Variants in GSN observed in about 807,000 individuals in gnomAD.
The protein encoded by GSN is gelsolin.
In GSN, 56 loss-of-function variants were observed where a neutral mutation model predicts 85.7. The ratio of observed to expected loss-of-function variants is 0.65; its 90% confidence interval spans 0.53 to 0.82. GSN has a LOEUF of 0.82. Among genes scored for constraint, GSN ranks in the 40% least tolerant of loss-of-function variants. The pLI is 0.00. For synonymous variants in GSN, 373 were observed against 399.1 expected (o/e 0.93, Z 0.78); for missense variants, 857 against 979.8 (o/e 0.87, Z 1.67).
intron 11 of GSN, among the ~76,000 whole-genome samples, chr9:121,322,448 A>T (rs2062597177): frequency 6.6e-6 from 1 of 152,210 alleles, no homozygotes; most frequent in African/African-American, 2.4e-5. Flanking sequence ...TTCCTTGATG[A>T]TGCATACTTG....
upstream of GSN, among the ~76,000 whole-genome samples, chr9:121,204,329 A>G (rs991459003): frequency 6.6e-6 from 1 of 152,234 alleles, no homozygotes; most frequent in African/African-American, 2.4e-5. Flanking sequence ...ACTAAGCCCT[A>G]TTCCATTTCC....
intron 4 of GSN, among the ~76,000 whole-genome samples, chr9:121,304,486 C>T (rs2060203568): frequency 6.6e-6 from 1 of 152,218 alleles, no homozygotes; most frequent in African/African-American, 2.4e-5. Flanking sequence ...AACACTTGCC[C>T]AGGAATCACA....
intron 2 of GSN, among the ~76,000 whole-genome samples, chr9:121,288,778 G>A (rs1258464515): frequency 1.3e-5 from 2 of 152,132 alleles, no homozygotes; most frequent in Non-Finnish European, 2.9e-5. Context: ...CTTCTAAGGG[G>A]TGGGACCTGG....
rs1012423985 is a variant in GSN, at chr9:121,312,392, C to T, written c.567C>T (p.Ala189=). The T allele has an allele frequency of 1.9e-6, 3 of 1,614,046 alleles. No individual in the cohort carries two copies. The highest frequency in any genetic ancestry group is 2.5e-6 in the Non-Finnish European group (3 of 1,179,904). Residue 189 remains alanine (A), a synonymous_variant, in exon 6 of 18, where the codon GCC becomes GCT. Transcript: ENST00000432226. ...GCAATCGGTATGAAAGACTGAAGGCCACACAGGTGTCCAAGGGCATCCGGG... is the reference window on the plus strand; with the variant it reads ...GCAATCGGTATGAAAGACTGAAGGCTACACAGGTGTCCAAGGGCATCCGGG... The part of the protein sequence containing the change: ...SNSNRYERLK[A]TQVSKGIRDN...
chr9:121,239,288 C>A, intron 5 of GSN: 1 of 388,090 alleles, frequency 2.6e-6, no homozygotes, highest in South Asian at 2.2e-5. Context: ...GCCAGAAATT[C>A]GGCTGTGGTT....
chr9:121,262,790 G>A (rs944010906), intron 6 of GSN, among the ~76,000 whole-genome samples: 1 of 152,146 alleles, frequency 6.6e-6, no homozygotes, highest in African/African-American at 2.4e-5. Flanking sequence ...TCCTGCCTGG[G>A]GCATTCAGAA....
intron 4 of GSN, among the ~76,000 whole-genome samples, chr9:121,307,912 G>C (rs1269754105): frequency 6.6e-6 from 1 of 152,166 alleles, no homozygotes; most frequent in Non-Finnish European, 1.5e-5. Flanking sequence ...TTTGCACTCT[G>C]CCTGGCTCTC....
Position 121,310,668 on chromosome 9 carries a change from C to T in GSN, c.352-16C>T. On this transcript the variant is annotated splice_polypyrimidine_tract_variant and intron_variant, in intron 4 of 17. Coordinates refer to ENST00000432226, the MANE Select transcript of GSN (RefSeq NM_198252.3). ...GCCTTCTCCCCTGGGCTAATGCTGT[C>T]TCTTTGGCCCCACAGAAAGGAGGTG... The T allele has an allele frequency of 6.2e-7, 1 of 1,613,660 alleles. No individual in the cohort carries two copies. Among genetic ancestry groups the T allele is most frequent in the Non-Finnish European group, 8.5e-7 (1 of 1,179,566 alleles).
intron 4 of GSN, chr9:121,309,784 A>G (rs1484145000): frequency 3.3e-5 from 5 of 152,246 alleles, no homozygotes; most frequent in African/African-American, 7.2e-5. Context: ...GTGAGACCCC[A>G]TGTCTACAAT....
chr9:121,313,497 C>T (rs970460628), intron 6 of GSN: 1 of 278,090 alleles, frequency 3.6e-6, no homozygotes, highest in Non-Finnish European at 7.1e-6. Context: ...GGCTTAGCCA[C>T]CTAATAGCTG....
chr9:121,283,244 C>T (rs548459341), intron 2 of GSN: 1 of 166,000 alleles, frequency 6.0e-6, no homozygotes, highest in East Asian at 1.9e-4. Context: ...CCCTGTTTTT[C>T]CTCCTGTCTT....
intron 4 of GSN, among the ~76,000 whole-genome samples, chr9:121,217,810 T>C (rs2054094889): frequency 6.8e-6 from 1 of 147,212 alleles, no homozygotes; most frequent in African/African-American, 2.5e-5. Context: ...ATTATTATTA[T>C]TATTATTATT....
upstream of GSN, among the ~76,000 whole-genome samples, chr9:121,265,455 T>C (rs192620293): frequency 7.9e-5 from 12 of 152,322 alleles, no homozygotes; most frequent in East Asian, 2.3e-3. Context: ...ATGTCTCAAC[T>C]TCCAGCTCCA....
At chr9:121,216,849 C>T (rs927084760) in intron 4 of GSN, among the ~76,000 whole-genome samples, 1 of 152,198 alleles carries the variant, frequency 6.6e-6, no homozygotes, top group Non-Finnish European at 1.5e-5. Flanking sequence ...CTGGAGGCTA[C>T]AAGTCCAAGA....
At chr9:121,323,759 G>C (rs1422489888) in intron 11 of GSN, among the ~76,000 whole-genome samples, 1 of 152,088 alleles carries the variant, frequency 6.6e-6, no homozygotes, top group African/African-American at 2.4e-5. Flanking sequence ...TGAATCTATG[G>C]CAGTTGCCCG....
intron 5 of GSN, among the ~76,000 whole-genome samples, chr9:121,235,216 A>G (rs1195646679): frequency 6.6e-6 from 1 of 152,204 alleles, no homozygotes; most frequent in Non-Finnish European, 1.5e-5. Context: ...CTGGCCAGAG[A>G]AAAGTCGTGA....
rs759623324 is a variant in GSN, at chr9:121,318,772, C to T, written c.1083C>T (p.Ser361=). ...TDGLGLSYLS[S]HIANVERVPF... is the part of the protein sequence containing the mutation. ...GCCTGGGCTTGTCCTACCTTTCCAGCCATATCGCCAACGTGGAGCGGGTGC... is the reference window on the plus strand; with the variant it reads ...GCCTGGGCTTGTCCTACCTTTCCAGTCATATCGCCAACGTGGAGCGGGTGC... The change falls in exon 10 of 18, where the codon AGC becomes AGT. Residue 361 remains serine, a synonymous_variant. Coordinates refer to ENST00000432226, the MANE Select transcript of GSN (RefSeq NM_198252.3). This position sits in a 1 kb window ranked among gnomAD's most constrained non-coding sequence, Gnocchi z 4.3. The T allele has an allele frequency of 1.9e-6, 3 of 1,614,068 alleles. No homozygotes were observed. The highest frequency in any genetic ancestry group is 2.5e-6 in the Non-Finnish European group (3 of 1,179,946).
chr9:121,272,242 C>G (rs2056088351), intron 1 of GSN, among the ~76,000 whole-genome samples: 1 of 152,196 alleles, frequency 6.6e-6, no homozygotes, highest in Non-Finnish European at 1.5e-5. Context: ...CTCGTCTGCC[C>G]TGCCTGGGAC....
intron 4 of GSN, chr9:121,310,065 AAAAG>A (rs547532360): frequency 1.1e-3 from 164 of 154,044 alleles, no homozygotes; most frequent in Non-Finnish European, 1.5e-3. Context: ...AAGAAAGAAA[AAAAG>A]AAAGGAAAGA....
Sources: gnomAD v4.1 joint callset for allele counts (sites outside exome capture counted in the v4.1 genomes callset) on GRCh38, gnomAD v4.1.1 for gene constraint, Gnocchi (gnomAD v3.1) non-coding constraint, MANE v1.5 for transcripts, NCBI Gene and HGNC (gene_info 2026-07-23, HGNC 2026-07-21) for gene names.